The following BICDL1 variants were observed in gnomAD, a reference collection of about 807,000 sequenced individuals.
The protein encoded by BICDL1 is BICD family like cargo adaptor 1.
BICDL1 carries 20 observed loss-of-function variants against 76.8 expected under a neutral mutation model. The observed-to-expected ratio is 0.26, with a 90% confidence interval of 0.18 to 0.38. The LOEUF is 0.38. Ranked by LOEUF, BICDL1 falls within the 10% of genes least tolerant of loss-of-function variation. BICDL1 has a pLI of 1.00. For missense variants in BICDL1, 700 were observed against 798.6 expected (o/e 0.88, Z 1.49); for synonymous variants, 383 against 337.1 (o/e 1.14, Z -1.49).
chr12:120,014,018 A>G (rs1035013992), intron 2 of BICDL1, among the ~76,000 whole-genome samples: 1 of 152,238 alleles, frequency 6.6e-6, no homozygotes, highest in Non-Finnish European at 1.5e-5. Flanking sequence ...CTAAGGCCGT[A>G]GGAGGATGTG....
At chr12:120,006,573 A>G (rs1280708675) in intron 2 of BICDL1, among the ~76,000 whole-genome samples, 2 of 152,186 alleles carry the variant, frequency 1.3e-5, no homozygotes, top group African/African-American at 4.8e-5. Flanking sequence ...TGTAGAGACA[A>G]CTCAATTTTT....
At chr12:120,020,688 C>G (rs1184845465) in intron 2 of BICDL1, among the ~76,000 whole-genome samples, 2 of 152,142 alleles carry the variant, frequency 1.3e-5, no homozygotes, top group Non-Finnish European at 2.9e-5. Flanking sequence ...GATGATAAAA[C>G]TATTAGGTGA....
chr12:120,085,471 G>A (rs1175611563), intron 8 of BICDL1, among the ~76,000 whole-genome samples: 1 of 152,130 alleles, frequency 6.6e-6, no homozygotes, highest in Admixed American at 6.5e-5. Flanking sequence ...TTGTGTGATG[G>A]AATAAAATGG....
At chr12:120,078,118 A>G (rs1041576593) in intron 7 of BICDL1, among the ~76,000 whole-genome samples, 5 of 152,118 alleles carry the variant, frequency 3.3e-5, no homozygotes, top group African/African-American at 7.2e-5. Flanking sequence ...TCTCCATGCT[A>G]TTCAGCCTTC....
intron 2 of BICDL1, chr12:120,018,937 T>G (rs753392911): frequency 6.8e-6 from 1 of 147,712 alleles, no homozygotes; most frequent in Middle Eastern, 3.6e-3. Context: ...CCCAGCTACT[T>G]GGGAGGCTGA....
Position 120,065,181 on chromosome 12 carries a change from G to T in BICDL1, c.909+302G>T, listed in dbSNP as rs79903405. ...CTGGAACACCAGGAGTGCTATTCTG[G>T]CCTCCTAGCATTTGCGAAATCTGCT... On this transcript the variant is annotated intron_variant, in intron 4 of 9. Coordinates refer to ENST00000548673, the MANE Select transcript of BICDL1 (RefSeq NM_001367886.1). 4.2e-3 allele frequency among the ~76,000 whole-genome samples: 642 copies of T among 152,320 alleles called. 3 individuals are homozygous for T. The highest frequency in any genetic ancestry group is 0.015 in the African/African-American group (610 of 41,558).
chr12:120,093,212 A>G lies in BICDL1; in HGVS notation c.*51A>G. 6.5e-7 allele frequency: 1 copy of G among 1,547,658 alleles called. No homozygotes were observed. Among genetic ancestry groups the G allele is most frequent in the Non-Finnish European group, 8.7e-7 (1 of 1,144,480 alleles). On this transcript the variant is annotated 3_prime_UTR_variant, in exon 10 of 10. Transcript: ENST00000548673. Reference sequence around the variant, plus strand: ...ATGGGTGGACTGGAGGCAGCTGGAAAGGCGGTGCAGGCAAGGCCTCCCCTG... The same window carrying G: ...ATGGGTGGACTGGAGGCAGCTGGAAGGGCGGTGCAGGCAAGGCCTCCCCTG...
chr12:120,048,203 A>G (rs945804594), intron 2 of BICDL1, among the ~76,000 whole-genome samples: 4 of 149,958 alleles, frequency 2.7e-5, no homozygotes, highest in African/African-American at 9.8e-5. Context: ...TTTAAGAGGG[A>G]GAGGTCTCAC....
intron 2 of BICDL1, among the ~76,000 whole-genome samples, chr12:120,049,892 C>T (rs1472192074): frequency 6.6e-6 from 1 of 152,142 alleles, no homozygotes; most frequent in African/African-American, 2.4e-5. Flanking sequence ...CTTTTTATTC[C>T]TCCAAAGTAG....
In BICDL1 at chr12:120,074,034, C is replaced by T. The variant is rs529108803; in HGVS notation, c.1309-409C>T. On this transcript the variant is annotated intron_variant, in intron 6 of 9. Coordinates refer to ENST00000548673, the MANE Select transcript of BICDL1 (RefSeq NM_001367886.1). ...TCCCGGGTTCACGCCATTCTCCTGCCTCCCAAGTAGCTGGGACTACAGGTG... is the reference window on the plus strand; with the variant it reads ...TCCCGGGTTCACGCCATTCTCCTGCTTCCCAAGTAGCTGGGACTACAGGTG... Among the ~76,000 whole-genome samples the T allele has an allele frequency of 5.3e-5, 8 of 152,312 alleles. No individual in the cohort carries two copies. In the East Asian group the frequency reaches 1.2e-3, roughly 22 times the overall value.
intron 2 of BICDL1, among the ~76,000 whole-genome samples, chr12:120,038,654 G>A (rs916007101): frequency 1.3e-5 from 2 of 151,942 alleles, no homozygotes; most frequent in African/African-American, 2.4e-5. Flanking sequence ...AGACTTTTCC[G>A]AATGCTAGAG....
chr12:120,019,941 A>G (rs976872545), intron 2 of BICDL1, among the ~76,000 whole-genome samples: 3 of 152,238 alleles, frequency 2.0e-5, no homozygotes, highest in Admixed American at 1.3e-4. Context: ...ATGAAGAACC[A>G]GGCAAGCAAT....
chr12:120,085,791 T>C (rs1220536313), intron 8 of BICDL1, among the ~76,000 whole-genome samples: 7 of 102,954 alleles, frequency 6.8e-5, no homozygotes, highest in African/African-American at 2.8e-4. Flanking sequence ...CAGAGCAAGA[T>C]CCTGCCTCAA....
At chr12:120,008,991 C>T (rs1478768768) in intron 2 of BICDL1, among the ~76,000 whole-genome samples, 11 of 149,484 alleles carry the variant, frequency 7.4e-5, no homozygotes, top group Non-Finnish European at 1.6e-4. Context: ...TTAGTTGAGC[C>T]TGTTCTTTTC....
intron 4 of BICDL1, among the ~76,000 whole-genome samples, chr12:120,068,594 T>A (rs1872833227): frequency 6.6e-6 from 1 of 152,228 alleles, no homozygotes; most frequent in Non-Finnish European, 1.5e-5. Context: ...TATGGGCAGA[T>A]AACTTGAGGT....
At chr12:120,022,913 C>G (rs1302819942) in intron 2 of BICDL1, among the ~76,000 whole-genome samples, 1 of 152,172 alleles carries the variant, frequency 6.6e-6, no homozygotes, top group Non-Finnish European at 1.5e-5. Flanking sequence ...GAGAGAGATA[C>G]AGAGAGAACC....
chr12:120,019,725 C>T (rs1265841069), intron 2 of BICDL1, among the ~76,000 whole-genome samples: 4 of 152,130 alleles, frequency 2.6e-5, no homozygotes, highest in African/African-American at 9.7e-5. Context: ...GCTGGGACTA[C>T]AGGTGTCCAC....
intron 2 of BICDL1, among the ~76,000 whole-genome samples, chr12:120,000,862 G>A (rs993450517): frequency 2.6e-5 from 4 of 152,186 alleles, no homozygotes; most frequent in African/African-American, 9.7e-5. Context: ...ATGAGATAAT[G>A]TGTTTATGTT....
chr12:120,055,384 G>C (rs1458215169), intron 2 of BICDL1, among the ~76,000 whole-genome samples: 1 of 152,138 alleles, frequency 6.6e-6, no homozygotes, highest in Non-Finnish European at 1.5e-5. Context: ...TAGTTTGGGG[G>C]AATGTTCATA....
Sources: gnomAD v4.1 joint callset for allele counts (sites outside exome capture counted in the v4.1 genomes callset) on GRCh38, gnomAD v4.1.1 for gene constraint, MANE v1.5 for transcripts, NCBI Gene and HGNC (gene_info 2026-07-23, HGNC 2026-07-21) for gene names.